Variants in FREM3 observed in about 807,000 individuals in gnomAD.
The protein encoded by FREM3 is FRAS1 related extracellular matrix 3.
Under a neutral mutation model 129.1 loss-of-function variants are expected in FREM3, and 105 were observed. The ratio of observed to expected loss-of-function variants is 0.81; its 90% CI spans 0.69 to 0.96. The LOEUF (loss-of-function observed/expected upper bound fraction) is 0.96, where lower values mean the gene tolerates loss of function less well. Ranked by LOEUF, FREM3 falls within the 40% of genes least tolerant of loss-of-function variation. The probability of loss-of-function intolerance (pLI) is 0.00; values close to 1 mark genes in which losing one functional copy is unlikely to be tolerated. For synonymous variants in FREM3, 1,014 were observed against 1,044.9 expected (o/e 0.97, Z 0.57); for missense variants, 2,593 against 2,666.3 (o/e 0.97, Z 0.61).
chr4:143,654,792 A>G (rs1337039577), intron 2 of FREM3, among the ~76,000 whole-genome samples: 2 of 150,964 alleles, frequency 1.3e-5, no homozygotes, highest in African/African-American at 4.9e-5. Flanking sequence ...GGGAAGACTC[A>G]TCTTTCCTGA....
intron 2 of FREM3, among the ~76,000 whole-genome samples, chr4:143,647,512 T>C (rs185508229): frequency 3.3e-5 from 5 of 152,162 alleles, no homozygotes; most frequent in Non-Finnish European, 5.9e-5. Context: ...TTTTGTGGGA[T>C]GGGCCCAGGG....
chr4:143,586,063 T>A, intron 6 of FREM3, 70 bp from the exon 7 acceptor site: 6 of 1,436,410 alleles, frequency 4.2e-6, no homozygotes, highest in Non-Finnish European at 5.6e-6. Flanking sequence ...TTTGGCCCTG[T>A]GTGAGCCTGG....
intron 7 of FREM3, among the ~76,000 whole-genome samples, chr4:143,583,083 A>G (rs1360996038): frequency 6.6e-6 from 1 of 151,870 alleles, no homozygotes. Flanking sequence ...GGGTTTTGCC[A>G]TGTTGCCCAC....
At position 143,693,208 on chromosome 4, in the gene FREM3, A is replaced by C; in HGVS notation, c.5186-6T>G. On this transcript the variant is annotated splice_polypyrimidine_tract_variant and splice_region_variant and intron_variant, in intron 1 of 7. Coordinates refer to ENST00000329798, the MANE Select transcript of FREM3 (RefSeq NM_001168235.2). ...CTTCATCTCATCAATGTCAGCTAAA[A>C]AAAAAGCAACCATCACACAAAGTCA... 1 of 1,472,662 alleles carries C rather than the reference A, an allele frequency of 6.8e-7. No homozygotes were observed. The highest frequency in any genetic ancestry group is 9.0e-7 in the Non-Finnish European group (1 of 1,106,270). The allele number at this position is 1,472,662 out of a possible 1,614,324, so 91.2% of individuals were successfully genotyped here.
intron 2 of FREM3, among the ~76,000 whole-genome samples, chr4:143,670,074 C>A (rs72940257): frequency 0.073 from 11,054 of 152,126 alleles, 1,068 homozygotes; most frequent in African/African-American, 0.21. Context: ...TCCTGTCCTT[C>A]CCTGTGACTG....
intron 7 of FREM3, among the ~76,000 whole-genome samples, chr4:143,578,650 A>C (rs1398977365): frequency 6.6e-6 from 1 of 152,226 alleles, no homozygotes; most frequent in African/African-American, 2.4e-5. Context: ...GACAGAATAC[A>C]ATGAGAGGAT....
chr4:143,678,047 C>T (rs771268943), intron 2 of FREM3, among the ~76,000 whole-genome samples: 1 of 152,280 alleles, frequency 6.6e-6, no homozygotes, highest in Non-Finnish European at 1.5e-5. Flanking sequence ...TGGGTATATA[C>T]CCAAAGGAAT....
chr4:143,610,609 GAGTAGTA>G (rs532819272), intron 6 of FREM3, among the ~76,000 whole-genome samples: 15 of 152,274 alleles, frequency 9.9e-5, no homozygotes, highest in African/African-American at 3.6e-4. Flanking sequence ...ACTAATTTGA[GAGTAGTA>G]ATAAAACAGT....
chr4:143,610,446 G>T (rs1470382835), intron 6 of FREM3, among the ~76,000 whole-genome samples: 1 of 152,108 alleles, frequency 6.6e-6, no homozygotes, highest in Non-Finnish European at 1.5e-5. Flanking sequence ...ACAGCTCTCA[G>T]TTTAATGTAA....
intron 2 of FREM3, among the ~76,000 whole-genome samples, chr4:143,650,249 C>G (rs1172445421): frequency 6.6e-6 from 1 of 152,098 alleles, no homozygotes; most frequent in East Asian, 1.9e-4. Flanking sequence ...TGTTGTTTTG[C>G]CTGAATAGAT....
intron 3 of FREM3, 25 bp from the exon 4 acceptor site, chr4:143,624,363 A>G: frequency 1.4e-6 from 2 of 1,408,222 alleles, no homozygotes; most frequent in Non-Finnish European, 1.9e-6. Context: ...GAAAACTATA[A>G]ATATAAAGCC....
chr4:143,603,856 A>G (rs534528585), intron 6 of FREM3, among the ~76,000 whole-genome samples: 1 of 152,050 alleles, frequency 6.6e-6, no homozygotes. Flanking sequence ...ATAGCCAACC[A>G]CTAACCAATG....
rs748596168 is a variant in FREM3, at chr4:143,700,387, C to T, written c.289G>A (p.Val97Ile). 11 of 1,534,872 alleles carry T rather than the reference C, an allele frequency of 7.2e-6. No homozygotes were observed. Among genetic ancestry groups the T allele is most frequent in the African/African-American group, 1.4e-5 (1 of 73,022 alleles). The change falls in exon 1 of 8, where the codon GTC becomes ATC. Residue 97 changes from valine to isoleucine, a missense_variant. Val to Ile is a conservative substitution (Grantham distance 29). Coordinates refer to ENST00000329798, the MANE Select transcript of FREM3 (RefSeq NM_001168235.2). ...IGVQPGDRCE[V>I]TVLDALPRLK... ...CGCGGCAGGGCGTCCAGTACCGTGA[C>T]TTCGCACCGGTCCCCCGGCTGCACT...
chr4:143,697,322 C>T lies in FREM3; in HGVS notation c.3354G>A (p.Leu1118=). Reference sequence around the variant, plus strand: ...AACCAGGAGCTGATGCAATCTTTTCCAGGTAGCCAGAGGCTGGCTGACTAG... The same window carrying T: ...AACCAGGAGCTGATGCAATCTTTTCTAGGTAGCCAGAGGCTGGCTGACTAG... The part of the protein sequence containing the change: ...TVTSQPASGY[L]EKIASAPGSK... Residue 1118 remains leucine, a synonymous_variant, in exon 1 of 8, where the codon CTG becomes CTA. Coordinates refer to ENST00000329798, the MANE Select transcript of FREM3 (RefSeq NM_001168235.2). 6.5e-7 allele frequency: 1 copy of T among 1,537,156 alleles called. No homozygotes were observed. The highest frequency in any genetic ancestry group is 8.7e-7 in the Non-Finnish European group (1 of 1,146,836).
chr4:143,584,434 A>G (rs1157628185), intron 7 of FREM3, among the ~76,000 whole-genome samples: 1 of 151,884 alleles, frequency 6.6e-6, no homozygotes, highest in Non-Finnish European at 1.5e-5. Flanking sequence ...AAAAAAAAAA[A>G]AAATCTACCA....
chr4:143,688,691 A>C (rs2149861546), intron 2 of FREM3, among the ~76,000 whole-genome samples: 1 of 152,336 alleles, frequency 6.6e-6, no homozygotes, highest in South Asian at 2.1e-4. Context: ...AGACCAATGG[A>C]ACAGAACAGA....
At chr4:143,604,458 A>G (rs1028254590) in intron 6 of FREM3, among the ~76,000 whole-genome samples, 5 of 152,158 alleles carry the variant, frequency 3.3e-5, no homozygotes, top group Non-Finnish European at 7.3e-5. Flanking sequence ...ACCTTGGCTC[A>G]GATAAACTCT....
intron 2 of FREM3, among the ~76,000 whole-genome samples, chr4:143,632,494 G>T (rs1739158809): frequency 6.6e-6 from 1 of 152,090 alleles, no homozygotes; most frequent in African/African-American, 2.4e-5. Context: ...CATGGTCAAA[G>T]GCTACTTGGT....
intron 6 of FREM3, among the ~76,000 whole-genome samples, chr4:143,599,515 T>C (rs1306093604): frequency 6.6e-6 from 1 of 152,172 alleles, no homozygotes; most frequent in Non-Finnish European, 1.5e-5. Flanking sequence ...TATTTCTGCA[T>C]TGGGATGTCA....
Sources: gnomAD v4.1 joint callset for allele counts (sites outside exome capture counted in the v4.1 genomes callset) on GRCh38, gnomAD v4.1.1 for gene constraint, MANE v1.5 for transcripts, NCBI Gene and HGNC (gene_info 2026-07-23, HGNC 2026-07-21) for gene names.